Variants in SATB2 observed in about 807,000 individuals in gnomAD.
SATB2 encodes the protein DNA-binding protein SATB2.
Under a neutral mutation model 73.4 loss-of-function variants are expected in SATB2, and 1 was observed. The observed-to-expected ratio is 0.01, with a 90% CI of 0.00 to 0.06. The LOEUF (loss-of-function observed/expected upper bound fraction) is 0.06, where lower values mean the gene tolerates loss of function less well. SATB2 is among the 10% of genes least tolerant of loss of function. SATB2 has a pLI of 1.00. For synonymous variants in SATB2, 397 were observed against 367.0 expected (o/e 1.08, Z -0.93); for missense variants, 459 against 945.8 (o/e 0.49, Z 6.75).
chr2:199,410,894 T>C (rs1690792595), intron 3 of SATB2, among the ~76,000 whole-genome samples: 1 of 152,206 alleles, frequency 6.6e-6, no homozygotes, highest in South Asian at 2.1e-4. Context: ...CCTTTGTAAA[T>C]ATAAAAATAA....
intron 10 of SATB2, among the ~76,000 whole-genome samples, chr2:199,279,129 T>G (rs991342369): frequency 2.0e-5 from 3 of 152,210 alleles, no homozygotes; most frequent in African/African-American, 7.2e-5. Flanking sequence ...TAAATGGGCA[T>G]GAAGATGGCA....
chr2:199,461,014 T>G (rs180941988), upstream of SATB2, among the ~76,000 whole-genome samples: 3 of 152,226 alleles, frequency 2.0e-5, no homozygotes, highest in Non-Finnish European at 4.4e-5. Flanking sequence ...AAAAAATCTA[T>G]CATGTTAGGA....
At chr2:199,416,922 G>A (rs1209589582) in intron 3 of SATB2, among the ~76,000 whole-genome samples, 1 of 151,998 alleles carries the variant, frequency 6.6e-6, no homozygotes, top group Non-Finnish European at 1.5e-5. Flanking sequence ...TGTGGTCCCA[G>A]CTACTCCGGA....
intron 5 of SATB2, among the ~76,000 whole-genome samples, chr2:199,378,757 C>T (rs1316481684): frequency 1.3e-5 from 2 of 152,146 alleles, no homozygotes; most frequent in Non-Finnish European, 2.9e-5. Context: ...GCATGCCAGG[C>T]ATTAGGCCAA....
intron 9 of SATB2, among the ~76,000 whole-genome samples, chr2:199,315,585 T>C (rs1440435775): frequency 6.6e-6 from 1 of 152,088 alleles, no homozygotes; most frequent in Non-Finnish European, 1.5e-5. Flanking sequence ...CCAGGACACT[T>C]GGTTTTGACC....
chr2:199,358,146 C>A (rs1490394829), intron 6 of SATB2, among the ~76,000 whole-genome samples: 1 of 152,126 alleles, frequency 6.6e-6, no homozygotes, highest in Admixed American at 6.6e-5. Context: ...GGGTTAAAAT[C>A]TTTTTAAAAG....
intron 7 of SATB2, among the ~76,000 whole-genome samples, chr2:199,331,521 TAAA>T: frequency 6.6e-6 from 1 of 152,306 alleles, no homozygotes; most frequent in East Asian, 1.9e-4. Context: ...AATTATTTAT[TAAA>T]ACTCTCATAT....
intron 3 of SATB2, among the ~76,000 whole-genome samples, chr2:199,406,370 A>T (rs1319135656): frequency 6.6e-6 from 1 of 152,166 alleles, no homozygotes; most frequent in African/African-American, 2.4e-5. Flanking sequence ...TTTTCCCTAA[A>T]TCTATTAAAT....
At chr2:199,329,115 T>C (rs1454669001) in intron 7 of SATB2, 2 of 610,990 alleles carry the variant, frequency 3.3e-6, no homozygotes, top group Non-Finnish European at 5.9e-6. Flanking sequence ...GACTGTTCTA[T>C]TCTGACACTT....
intron 3 of SATB2, among the ~76,000 whole-genome samples, chr2:199,386,756 ACACACACAC>A (rs1246141837): frequency 7.5e-5 from 8 of 106,630 alleles, no homozygotes; most frequent in African/African-American, 1.2e-4. Context: ...ACACACACAC[ACACACACAC>A]ACCTTTGAGT....
At chr2:199,412,464 G>A (rs975926288) in intron 3 of SATB2, among the ~76,000 whole-genome samples, 14 of 152,166 alleles carry the variant, frequency 9.2e-5, no homozygotes, top group African/African-American at 3.4e-4. Flanking sequence ...GGCAGGGGAA[G>A]GAACCCCTCA....
chr2:199,286,461 G>T (rs570907879), intron 10 of SATB2, among the ~76,000 whole-genome samples: 1 of 152,210 alleles, frequency 6.6e-6, no homozygotes, highest in African/African-American at 2.4e-5. Context: ...GAGAAGACTT[G>T]GGAAGAATGA....
chr2:199,385,886 A>G (rs555678530), intron 3 of SATB2, among the ~76,000 whole-genome samples: 4 of 152,218 alleles, frequency 2.6e-5, no homozygotes, highest in African/African-American at 9.6e-5. Flanking sequence ...CAAATTGTTT[A>G]GTCTTTCCAT....
intron 3 of SATB2, among the ~76,000 whole-genome samples, chr2:199,425,371 T>C (rs542168514): frequency 5.7e-4 from 87 of 152,228 alleles, no homozygotes; most frequent in Non-Finnish European, 1.1e-3. Context: ...ATTGCTACCA[T>C]GGCCTATCAT....
At chr2:199,437,154 C>T (rs1691677402) in intron 2 of SATB2, among the ~76,000 whole-genome samples, 1 of 152,128 alleles carries the variant, frequency 6.6e-6, no homozygotes, top group African/African-American at 2.4e-5. Context: ...AGCACAGACC[C>T]ATTTTCAGAT....
At chr2:199,433,260 A>T in intron 3 of SATB2, 78 bp downstream of exon 3, 1 of 1,409,490 alleles carries the variant, frequency 7.1e-7, no homozygotes, top group South Asian at 1.3e-5. Context: ...TTGTTTGGAG[A>T]ACTATTTCAG....
chr2:199,292,779 A>C (rs1692908463), intron 10 of SATB2, among the ~76,000 whole-genome samples: 1 of 152,176 alleles, frequency 6.6e-6, no homozygotes, highest in African/African-American at 2.4e-5. Context: ...AGAACTTTTA[A>C]TGAATTTAAT....
At chr2:199,278,738 A>T (rs991702439) in intron 10 of SATB2, among the ~76,000 whole-genome samples, 1 of 152,220 alleles carries the variant, frequency 6.6e-6, no homozygotes, top group African/African-American at 2.4e-5. Context: ...GGAGTATTAC[A>T]AATAGCAACA....
chr2:199,335,259 G>A (rs770456607), intron 7 of SATB2, among the ~76,000 whole-genome samples: 5 of 152,158 alleles, frequency 3.3e-5, no homozygotes, highest in South Asian at 2.1e-4. Context: ...CATTTTTGTC[G>A]GATGGGGTGG....
Sources: gnomAD v4.1 joint callset for allele counts (sites outside exome capture counted in the v4.1 genomes callset) on GRCh38, gnomAD v4.1.1 for gene constraint, MANE v1.5 for transcripts, NCBI Gene and HGNC (gene_info 2026-07-23, HGNC 2026-07-21) for gene names.